The following DOCK3 variants were observed in gnomAD, a reference collection of about 807,000 sequenced individuals.
DOCK3 encodes the protein dedicator of cytokinesis protein 3.
Under a neutral mutation model 265.6 loss-of-function variants are expected in DOCK3, and 60 were observed. That is an observed-to-expected ratio of 0.23 (90% confidence interval 0.18 to 0.28). DOCK3 has a LOEUF of 0.28. Among genes scored for constraint, DOCK3 ranks in the 10% least tolerant of loss-of-function variants. DOCK3 has a pLI of 1.00. For synonymous variants in DOCK3, 881 were observed against 938.0 expected (o/e 0.94, Z 1.11); for missense variants, 1,981 against 2,594.3 (o/e 0.76, Z 5.14).
intron 3 of DOCK3, among the ~76,000 whole-genome samples, chr3:50,868,672 C>T (rs974446531): frequency 6.6e-6 from 1 of 152,250 alleles, no homozygotes; most frequent in East Asian, 1.9e-4. Flanking sequence ...CTGCACCAGG[C>T]TGACTTTTTA....
At chr3:50,776,535 CTG>C (rs1458388149) in intron 1 of DOCK3, among the ~76,000 whole-genome samples, 3 of 151,740 alleles carry the variant, frequency 2.0e-5, no homozygotes, top group Non-Finnish European at 4.4e-5. Flanking sequence ...TCTGTTTACT[CTG>C]TTGATTATTT....
At chr3:50,901,015 T>C (rs1452709911) in intron 4 of DOCK3, 2 of 370,728 alleles carry the variant, frequency 5.4e-6, no homozygotes, top group South Asian at 2.1e-5. Flanking sequence ...GCTGGGAGAT[T>C]CGCTCCTCTC....
rs567777773 is a variant in DOCK3, at chr3:51,296,616, A to G, written c.2923-13616A>G. Among the ~76,000 whole-genome samples the G allele has an allele frequency of 4.5e-3, 686 of 151,814 alleles. 8 individuals carry two copies. Among genetic ancestry groups the G allele is most frequent in the African/African-American group, 0.015 (640 of 41,424 alleles). Reference sequence around the variant, plus strand: ...CTCAGCCTCTTGAGTAGCTGGGACTACAGGTGCCCGCCACCATGCCCGGCT... The same window carrying G: ...CTCAGCCTCTTGAGTAGCTGGGACTGCAGGTGCCCGCCACCATGCCCGGCT... On this transcript the variant is annotated intron_variant, in intron 27 of 52. Transcript: ENST00000266037.
intron 1 of DOCK3, among the ~76,000 whole-genome samples, chr3:50,716,951 A>G (rs1409333916): frequency 1.3e-5 from 2 of 152,230 alleles, no homozygotes; most frequent in Non-Finnish European, 2.9e-5. Flanking sequence ...ACTAGCAAAT[A>G]TTAATGCATA....
chr3:50,851,069 A>G (rs1298958850), intron 3 of DOCK3, among the ~76,000 whole-genome samples: 1 of 152,178 alleles, frequency 6.6e-6, no homozygotes, highest in Non-Finnish European at 1.5e-5. Flanking sequence ...GAGGGAGAAT[A>G]CAGTGGGTGG....
At chr3:50,696,915 A>G (rs1423808041) in intron 1 of DOCK3, among the ~76,000 whole-genome samples, 1 of 150,204 alleles carries the variant, frequency 6.7e-6, no homozygotes, top group Non-Finnish European at 1.5e-5. Context: ...ATTTTCTGAC[A>G]CATAGCACTG....
In DOCK3 at chr3:51,214,232, G is replaced by A; in HGVS notation, c.1237G>A (p.Asp413Asn). Residue 413 changes from aspartate to asparagine, a missense_variant, in exon 14 of 53, where the codon GAT (aspartate) becomes AAT (asparagine). By Grantham distance (23) the Asp-to-Asn change is conservative (BLOSUM62 1). This residue lies in a region of DOCK3 where 456 missense variants were observed against 539.0 expected (regional missense o/e 0.85). Coordinates refer to ENST00000266037, the MANE Select transcript of DOCK3 (RefSeq NM_004947.5). The stretch of plus-strand genomic sequence containing the variant: ...AATTACAAGAAAATTGGGATTTCCT[G>A]ATGTCATTATGCCAGGTATGCAGAA... ...LAITRKLGFP[D>N]VIMPGDIRND... The A allele has an allele frequency of 6.2e-7, 1 of 1,613,672 alleles. No individual in the cohort carries two copies.
chr3:50,697,980 AC>A (rs1339894952), intron 1 of DOCK3, among the ~76,000 whole-genome samples: 1 of 152,142 alleles, frequency 6.6e-6, no homozygotes, highest in African/African-American at 2.4e-5. Context: ...TCTTTTGCTT[AC>A]TATTTTTCTT....
At chr3:51,144,573 C>T (rs1442561729) in intron 9 of DOCK3, among the ~76,000 whole-genome samples, 1 of 152,160 alleles carries the variant, frequency 6.6e-6, no homozygotes, top group Non-Finnish European at 1.5e-5. Context: ...CTGACCAAAG[C>T]CCCTTTTCTC....
At position 50,917,493 on chromosome 3, in the gene DOCK3, G is replaced by A. The variant is rs2050191231; in HGVS notation, c.219-16488G>A. Among the ~76,000 whole-genome samples the A allele has an allele frequency of 2.0e-5, 3 of 151,910 alleles. No homozygotes were observed. In the South Asian group the frequency reaches 6.2e-4, roughly 32 times the overall value. ...TTATTTTTTAGATTTATTACTATAA[G>A]CTTATCATTGTATTTTTAAGGATAT... On this transcript the variant is annotated intron_variant, in intron 4 of 52. Transcript: ENST00000266037.
intron 23 of DOCK3, among the ~76,000 whole-genome samples, chr3:51,267,505 C>T (rs1442354842): frequency 6.6e-6 from 1 of 151,924 alleles, no homozygotes; most frequent in African/African-American, 2.4e-5. Flanking sequence ...CTGCCTCAGC[C>T]TCCTGACTAG....
At chr3:50,695,268 G>GAACT (rs1448578325) in intron 1 of DOCK3, among the ~76,000 whole-genome samples, 2 of 152,216 alleles carry the variant, frequency 1.3e-5, no homozygotes, top group Non-Finnish European at 2.9e-5. Context: ...AAGCCAGAAG[G>GAACT]AACTCAGTTC....
chr3:50,969,713 CTT>C (rs2077137509), intron 5 of DOCK3, among the ~76,000 whole-genome samples: 1 of 152,110 alleles, frequency 6.6e-6, no homozygotes, highest in South Asian at 2.1e-4. Context: ...CTAGAAAAGA[CTT>C]TGTCATTCAT....
intron 12 of DOCK3, among the ~76,000 whole-genome samples, chr3:51,200,768 CAG>C (rs1463460668): frequency 3.3e-5 from 5 of 151,832 alleles, no homozygotes; most frequent in Non-Finnish European, 7.4e-5. Flanking sequence ...TAAGGGCAGC[CAG>C]AGAGAAAGGT....
intron 3 of DOCK3, among the ~76,000 whole-genome samples, chr3:50,873,883 A>T (rs1356634436): frequency 6.6e-6 from 1 of 152,172 alleles, no homozygotes; most frequent in Non-Finnish European, 1.5e-5. Flanking sequence ...AGCATACAGA[A>T]TTGTTTTCTG....
intron 9 of DOCK3, among the ~76,000 whole-genome samples, chr3:51,092,014 A>G (rs1301053675): frequency 6.6e-6 from 1 of 152,202 alleles, no homozygotes; most frequent in Non-Finnish European, 1.5e-5. Context: ...CAACCCGCAG[A>G]CCAGGAGATT....
intron 1 of DOCK3, among the ~76,000 whole-genome samples, chr3:50,741,160 A>G (rs2038997889): frequency 1.3e-5 from 2 of 151,550 alleles, no homozygotes; most frequent in African/African-American, 4.8e-5. Context: ...ATATGTATAT[A>G]TCCCCCATTT....
At chr3:51,306,146 A>G (rs2082680298) in intron 27 of DOCK3, among the ~76,000 whole-genome samples, 2 of 151,928 alleles carry the variant, frequency 1.3e-5, no homozygotes, top group African/African-American at 4.8e-5. Flanking sequence ...GATTACAGAC[A>G]TGAGCCACTG....
Position 51,381,397 on chromosome 3 carries a change from C to G in DOCK3, c.5931C>G (p.Pro1977=), listed in dbSNP as rs782806252. The part of the protein sequence containing the change: ...PMDPPALPPK[P]YHPRLPALEH... ...ACCCGCCTGCGCTGCCGCCCAAGCC[C>G]TACCACCCCCGCCTGCCGGCCCTGG... is the stretch of plus-strand genomic sequence containing the variant. The change falls in exon 53 of 53, where the codon CCC becomes CCG. Residue 1977 remains proline, a synonymous_variant. Transcript: ENST00000266037. This position sits in a 1 kb window ranked among gnomAD's most constrained non-coding sequence, Gnocchi z 5.6. 4 of 1,612,376 alleles carry G rather than the reference C, an allele frequency of 2.5e-6. No homozygotes were observed. In the South Asian group the frequency reaches 4.4e-5, roughly 18 times the overall value.
Sources: gnomAD v4.1 joint callset for allele counts (sites outside exome capture counted in the v4.1 genomes callset) on GRCh38, gnomAD v4.1.1 for gene constraint, gnomAD v4.1.1 regional missense constraint, Gnocchi (gnomAD v3.1) non-coding constraint, MANE v1.5 for transcripts, NCBI Gene and HGNC (gene_info 2026-07-23, HGNC 2026-07-21) for gene names.